Variants in CLPTM1 observed in about 807,000 individuals in gnomAD.
CLPTM1 encodes putative lipid scramblase CLPTM1.
In CLPTM1, 21 loss-of-function variants were observed where a neutral mutation model predicts 77.3. The ratio of observed to expected loss-of-function variants is 0.27; its 90% CI spans 0.19 to 0.39. The LOEUF (loss-of-function observed/expected upper bound fraction) is 0.39. Ranked by LOEUF, CLPTM1 falls within the 10% of genes least tolerant of loss-of-function variation. The probability of loss-of-function intolerance (pLI) is 1.00; values close to 1 mark genes in which losing one functional copy is unlikely to be tolerated. For missense variants in CLPTM1, 642 were observed against 921.2 expected (o/e 0.70, Z 3.92); for synonymous variants, 373 against 381.0 (o/e 0.98, Z 0.24).
At chr19:44,987,786 C>T (rs1971005294) in intron 8 of CLPTM1, 1 of 560,670 alleles carries the variant, frequency 1.8e-6, no homozygotes, top group Non-Finnish European at 3.2e-6. Context: ...GCTTTGCCTC[C>T]TGGGCTGTCG....
chr19:44,978,178 G>A (rs562491441), intron 5 of CLPTM1, among the ~76,000 whole-genome samples: 1 of 151,900 alleles, frequency 6.6e-6, no homozygotes, highest in Non-Finnish European at 1.5e-5. Flanking sequence ...AGGCCGAGGC[G>A]GGTGAATCAC....
At chr19:44,974,310 T>A in intron 3 of CLPTM1, 129 bp from the exon 4 acceptor site, 2 of 834,526 alleles carry the variant, frequency 2.4e-6, no homozygotes, top group Non-Finnish European at 3.7e-6. Context: ...CTGCTCTTCC[T>A]CTCTCCTCTC....
chr19:44,955,229 G>A (rs1970439885), upstream of CLPTM1: 9 of 1,514,410 alleles, frequency 5.9e-6, no homozygotes, highest in Admixed American at 2.0e-5. Flanking sequence ...TGGCCAGGTT[G>A]GTCCTTCCAT....
chr19:44,967,103 A>C (rs1488119044), intron 2 of CLPTM1, among the ~76,000 whole-genome samples: 1 of 152,146 alleles, frequency 6.6e-6, no homozygotes, highest in Non-Finnish European at 1.5e-5. Flanking sequence ...GGGCTCCCAA[A>C]GTGCTGGGAT....
At chr19:44,964,931 T>A (rs987971788) in intron 2 of CLPTM1, among the ~76,000 whole-genome samples, 3 of 152,136 alleles carry the variant, frequency 2.0e-5, no homozygotes, top group Admixed American at 2.0e-4. Flanking sequence ...GCCTGTTTTT[T>A]CAAAGCCCAG....
At chr19:44,969,167 G>A (rs377025822) in intron 2 of CLPTM1, among the ~76,000 whole-genome samples, 51 of 152,304 alleles carry the variant, frequency 3.3e-4, no homozygotes, top group African/African-American at 1.1e-3. Context: ...TCTGAGGTAC[G>A]TGTGCGTGTG....
chr19:44,954,904 G>A (rs978857021), upstream of CLPTM1: 8 of 1,396,092 alleles, frequency 5.7e-6, no homozygotes, highest in African/African-American at 7.2e-5. Context: ...AGGGTGCTGG[G>A]CAAAAGGCTA....
intron 5 of CLPTM1, chr19:44,984,163 A>C (rs16979600): frequency 0.096 from 14,630 of 152,238 alleles, 1,171 homozygotes; most frequent in African/African-American, 0.22. Flanking sequence ...TTGGTTTCTC[A>C]TGTTGGTGGC....
At chr19:44,982,628 G>C (rs933017907) in intron 5 of CLPTM1, among the ~76,000 whole-genome samples, 5 of 152,216 alleles carry the variant, frequency 3.3e-5, no homozygotes, top group African/African-American at 4.8e-5. Flanking sequence ...TGCCCTCTGG[G>C]GCTCTCCCTT....
At chr19:44,954,599 G>A (rs1970427697), upstream of CLPTM1, 1 of 1,029,848 alleles carries the variant, frequency 9.7e-7, no homozygotes, top group African/African-American at 1.7e-5. Context: ...CCAAACTAAG[G>A]GTCTCTCAGC....
Position 44,964,298 on chromosome 19 carries a change from C to CTTT in CLPTM1, c.185+2251_185+2253dup, listed in dbSNP as rs35539206. The stretch of plus-strand genomic sequence containing the variant: ...TTTTAACCTATGTTTTCATTTTAAC[C>CTTT]TTTTTTTTTTTTTTTTTTTTTTTTT... On this transcript the variant is annotated intron_variant, in intron 2 of 13. Transcript: ENST00000337392. Among the ~76,000 whole-genome samples, 242 of 68,170 alleles carry CTTT rather than the reference C, an allele frequency of 3.5e-3. 33 individuals carry two copies. The highest frequency in any genetic ancestry group is 9.3e-3 in the African/African-American group (149 of 16,048). The allele number at this position is 68,170 out of a possible 152,430, so 44.7% of individuals were successfully genotyped here. A position where few individuals can be genotyped will look rare whatever the true frequency, so the allele number is the denominator to read the frequency against.
intron 2 of CLPTM1, among the ~76,000 whole-genome samples, chr19:44,969,833 G>T (rs546465602): frequency 1.3e-5 from 2 of 151,472 alleles, no homozygotes; most frequent in Non-Finnish European, 2.9e-5. Flanking sequence ...GATTACAGGC[G>T]CCCGCCACCA....
intron 5 of CLPTM1, among the ~76,000 whole-genome samples, chr19:44,982,963 A>C (rs542086806): frequency 1.3e-5 from 2 of 152,086 alleles, no homozygotes; most frequent in Non-Finnish European, 2.9e-5. Context: ...CGGGAGGCTG[A>C]GGCAGGAGAA....
At chr19:44,968,336 G>A (rs1275172642) in intron 2 of CLPTM1, among the ~76,000 whole-genome samples, 1 of 152,184 alleles carries the variant, frequency 6.6e-6, no homozygotes, top group East Asian at 1.9e-4. Context: ...GTGTTTTTGA[G>A]CACATGTGGT....
At chr19:44,975,844 G>A (rs530811981) in intron 4 of CLPTM1, among the ~76,000 whole-genome samples, 23 of 152,008 alleles carry the variant, frequency 1.5e-4, no homozygotes, top group Non-Finnish European at 2.6e-4. Flanking sequence ...GATTACAGGC[G>A]TGAGACACCG....
chr19:44,954,724 G>A (rs1004112980), upstream of CLPTM1: 6 of 1,228,910 alleles, frequency 4.9e-6, no homozygotes, highest in African/African-American at 7.6e-5. Flanking sequence ...GAGGGAACGC[G>A]CATGCGTGCT....
At chr19:44,983,744 C>G (rs1028898562) in intron 5 of CLPTM1, among the ~76,000 whole-genome samples, 5 of 151,812 alleles carry the variant, frequency 3.3e-5, no homozygotes, top group African/African-American at 4.8e-5. Context: ...GGGCAGATCA[C>G]GAGATCAGGA....
At position 44,990,567 on chromosome 19, in the gene CLPTM1, C is replaced by T. The variant is rs763431321; in HGVS notation, c.1305C>T (p.Thr435=). The part of the protein sequence containing the change: ...IGVLIDLWKI[T]KVMDVRLDRE... Reference sequence around the variant, plus strand: ...TCCTCATCGACCTCTGGAAGATCACCAAGGTCATGGACGTCCGGGTAAGGC... The same window carrying T: ...TCCTCATCGACCTCTGGAAGATCACTAAGGTCATGGACGTCCGGGTAAGGC... The change falls in exon 10 of 14, where the codon ACC becomes ACT. Residue 435 remains threonine, a synonymous_variant. Transcript: ENST00000337392. The surrounding 1 kb of genome is among the most constrained non-coding windows in gnomAD (Gnocchi z 4.8). 5 of 1,613,964 alleles carry T rather than the reference C, an allele frequency of 3.1e-6. No homozygotes were observed. The highest frequency in any genetic ancestry group is 4.2e-6 in the Non-Finnish European group (5 of 1,179,932).
chr19:44,963,226 AAAG>A (rs1970572862), intron 2 of CLPTM1, among the ~76,000 whole-genome samples: 1 of 149,562 alleles, frequency 6.7e-6, no homozygotes, highest in Admixed American at 6.7e-5. Flanking sequence ...AAAAAAAAAA[AAAG>A]CCAGGTATGG....
Sources: allele counts gnomAD v4.1 joint callset (sites outside exome capture counted in the v4.1 genomes callset), GRCh38; gene constraint gnomAD v4.1.1; non-coding constraint Gnocchi (gnomAD v3.1); transcripts MANE v1.5; gene names NCBI Gene and HGNC (gene_info 2026-07-23, HGNC 2026-07-21).